C3orf52: variants seen among roughly 807,000 people sequenced by gnomAD.
The protein encoded by C3orf52 is chromosome 3 open reading frame 52.
In C3orf52, 22 loss-of-function variants were observed where a neutral mutation model predicts 24.8. The ratio of observed to expected loss-of-function variants is 0.89; its 90% confidence interval spans 0.63 to 1.27. C3orf52 has a LOEUF of 1.27. Ranked by LOEUF, C3orf52 falls within the 50% of genes most tolerant of loss-of-function variation. The probability of loss-of-function intolerance (pLI) is 0.00; values close to 1 mark genes in which losing one functional copy is unlikely to be tolerated. For synonymous variants in C3orf52, 93 were observed against 100.2 expected (o/e 0.93, Z 0.43); for missense variants, 265 against 260.7 (o/e 1.02, Z -0.11).
At chr3:112,122,894 C>G (rs1161337987), downstream of C3orf52, 1 of 153,256 alleles carries the variant, frequency 6.5e-6, no homozygotes, top group East Asian at 1.9e-4. Flanking sequence ...CCTAGAGCCT[C>G]TTGATTCAAC....
At chr3:112,124,700 AT>A (rs2107801261) in intron 4 of C3orf52, among the ~76,000 whole-genome samples, 1 of 152,344 alleles carries the variant, frequency 6.6e-6, no homozygotes, top group East Asian at 1.9e-4. Flanking sequence ...TATTTATGTT[AT>A]TAAATAGGGA....
chr3:112,130,355 C>T (rs1331564890), downstream of C3orf52: 4 of 993,618 alleles, frequency 4.0e-6, no homozygotes, highest in Non-Finnish European at 6.5e-6. Flanking sequence ...AAACAGGGCC[C>T]TCTCTCACTG....
chr3:112,093,448 G>T lies in C3orf52; in HGVS notation c.227G>T (p.Gly76Val). ...ATGATCATCACCTCCATTTTCCTAG[G>T]TGTCATTACAGTGATCATCATAGGC... Reference protein sequence around the residue: ...LWMIITSIFLGVITVIIIGLC... With the variant: ...LWMIITSIFLVVITVIIIGLC... The change falls in exon 2 of 6, where the codon GGT (glycine) becomes GTT (valine). Residue 76 changes from glycine to valine, a missense_variant. Coordinates refer to ENST00000264848, the MANE Select transcript of C3orf52 (RefSeq NM_024616.3). 2.5e-6 allele frequency: 4 copies of T among 1,613,896 alleles called. No individual in the cohort carries two copies. The highest frequency in any genetic ancestry group is 3.4e-6 in the Non-Finnish European group (4 of 1,179,824).
At chr3:112,116,060 T>A (rs903857522) in intron 5 of C3orf52, among the ~76,000 whole-genome samples, 25 of 152,032 alleles carry the variant, frequency 1.6e-4, no homozygotes, top group Admixed American at 1.6e-3. Flanking sequence ...GCTAGTAGAC[T>A]GAGTAGGGAA....
intron 1 of C3orf52, 37 bp downstream of exon 1, chr3:112,086,582 G>T (rs1321995194): frequency 3.4e-5 from 50 of 1,468,202 alleles, no homozygotes; most frequent in Non-Finnish European, 4.4e-5. Context: ...ACTTGCCGGC[G>T]GCGGGACAGT....
Position 112,124,048 on chromosome 3 carries a change from C to T in C3orf52, c.*47-4185C>T, listed in dbSNP as rs115603722. Among the ~76,000 whole-genome samples, 993 of 152,308 alleles carry T rather than the reference C, an allele frequency of 6.5e-3. 14 individuals carry two copies. Among genetic ancestry groups the T allele is most frequent in the African/African-American group, 0.023 (946 of 41,550 alleles). On this transcript the variant is annotated intron_variant, in intron 4 of 4. Transcript: ENST00000480282. ...ATATAGTTTGGATATTCGTCCCCTGCAAATCTAATGTTGAAATTTTGTTCC... is the reference window on the plus strand; with the variant it reads ...ATATAGTTTGGATATTCGTCCCCTGTAAATCTAATGTTGAAATTTTGTTCC...
At chr3:112,124,199 C>G (rs1223895064) in intron 4 of C3orf52, among the ~76,000 whole-genome samples, 1 of 152,186 alleles carries the variant, frequency 6.6e-6, no homozygotes, top group Non-Finnish European at 1.5e-5. Context: ...AAATAAACTT[C>G]TTTTCTTTAT....
intron 3 of C3orf52, among the ~76,000 whole-genome samples, chr3:112,109,284 A>C (rs2074055554): frequency 6.6e-6 from 1 of 152,122 alleles, no homozygotes; most frequent in African/African-American, 2.4e-5. Flanking sequence ...TATTCTCACC[A>C]CTAAGGCCAC....
intron 2 of C3orf52, among the ~76,000 whole-genome samples, chr3:112,095,729 C>T (rs920284510): frequency 6.7e-6 from 1 of 148,506 alleles, no homozygotes; most frequent in Non-Finnish European, 1.5e-5. Context: ...TTGTATTTTA[C>T]TTGGCATCTC....
chr3:112,105,283 C>T (rs1476585792), intron 3 of C3orf52, among the ~76,000 whole-genome samples: 1 of 152,158 alleles, frequency 6.6e-6, no homozygotes, highest in Non-Finnish European at 1.5e-5. Flanking sequence ...AAAGAATTAT[C>T]TTATTTACAA....
intron 1 of C3orf52, among the ~76,000 whole-genome samples, chr3:112,089,780 TC>T (rs1393901214): frequency 1.3e-5 from 2 of 152,192 alleles, no homozygotes; most frequent in African/African-American, 4.8e-5. Context: ...GAGATAGGTA[TC>T]CTGCCACTGT....
chr3:112,098,737 T>C (rs1041782723), intron 2 of C3orf52, among the ~76,000 whole-genome samples: 1 of 152,190 alleles, frequency 6.6e-6, no homozygotes, highest in Non-Finnish European at 1.5e-5. Context: ...TGCTGTCTGG[T>C]GAGGGCACAC....
Position 112,117,601 on chromosome 3 carries a change from C to T in C3orf52, c.*955C>T, listed in dbSNP as rs1054083737. On this transcript the variant is annotated 3_prime_UTR_variant, in exon 6 of 6. Coordinates refer to ENST00000264848, the MANE Select transcript of C3orf52 (RefSeq NM_024616.3). ...GCTTTTTGTTGCCTAGTGCTACAAA[C>T]CTTCCTGTGGGACTCAGTGTCTTCA... is the stretch of plus-strand genomic sequence containing the variant. 3.9e-5 allele frequency: 6 copies of T among 152,212 alleles called. No individual in the cohort carries two copies. In the East Asian group the frequency reaches 5.8e-4, roughly 15 times the overall value. 9.4% of individuals were successfully genotyped at this position (152,212 alleles called of 1,614,324 possible).
chr3:112,090,127 ACACCTACTGTGT>A (rs1387251217), intron 1 of C3orf52, among the ~76,000 whole-genome samples: 1 of 152,086 alleles, frequency 6.6e-6, no homozygotes, highest in African/African-American at 2.4e-5. Context: ...CAGGTAGCAC[ACACCTACTGTGT>A]CACAGGCTCT....
intron 1 of C3orf52, among the ~76,000 whole-genome samples, chr3:112,087,084 C>G (rs79466559): frequency 1.4e-5 from 2 of 144,620 alleles, no homozygotes; most frequent in African/African-American, 5.0e-5. Context: ...TGGATTCTGC[C>G]GGAAGAGAGA....
At chr3:112,113,212 T>A in intron 5 of C3orf52, 67 bp downstream of exon 5, 1 of 1,367,226 alleles carries the variant, frequency 7.3e-7, no homozygotes, top group Non-Finnish European at 9.9e-7. Flanking sequence ...GGGGTCAAAT[T>A]GGCTTGGTTC....
chr3:112,099,881 G>T (rs2073956693), intron 2 of C3orf52, among the ~76,000 whole-genome samples: 1 of 152,160 alleles, frequency 6.6e-6, no homozygotes, highest in Non-Finnish European at 1.5e-5. Flanking sequence ...ATGCATGTTG[G>T]TTTTCATCTT....
chr3:112,118,491 A>C (rs1417903350), downstream of C3orf52, among the ~76,000 whole-genome samples: 1 of 152,190 alleles, frequency 6.6e-6, no homozygotes, highest in Admixed American at 6.5e-5. Flanking sequence ...TCATGTCTGG[A>C]GGCAGGATTT....
Position 112,086,527 on chromosome 3 carries a change from G to GGAGGTCCCCCCGGCCGAGGT in C3orf52, c.121_138+2dup. 2 of 1,551,194 alleles carry GGAGGTCCCCCCGGCCGAGGT rather than the reference G, an allele frequency of 1.3e-6. No individual in the cohort carries two copies. Among genetic ancestry groups the GGAGGTCCCCCCGGCCGAGGT allele is most frequent in the Non-Finnish European group, 1.7e-6 (2 of 1,146,694 alleles). On this transcript the variant is annotated frameshift_variant, in exon 1 of 6. Transcript: ENST00000264848. LOFTEE classifies it high-confidence loss of function. ...ACAAGGTCTTCCCTTCTTTGGACGAGGAGGTCCCCCCGGCCGAGGTAAGGT... is the reference window on the plus strand; with the variant it reads ...ACAAGGTCTTCCCTTCTTTGGACGAGGAGGTCCCCCCGGCCGAGGTGAGGTCCCCCCGGCCGAGGTAAGGT...
Sources: gnomAD v4.1 joint callset for allele counts (sites outside exome capture counted in the v4.1 genomes callset) on GRCh38, gnomAD v4.1.1 for gene constraint, MANE v1.5 for transcripts, NCBI Gene and HGNC (gene_info 2026-07-23, HGNC 2026-07-21) for gene names.